Variants in ALPK1 observed in about 807,000 individuals in gnomAD.
ALPK1 encodes alpha kinase 1.
Under a neutral mutation model 120.6 loss-of-function variants are expected in ALPK1, and 110 were observed. The ratio of observed to expected loss-of-function variants is 0.91; its 90% CI spans 0.78 to 1.07. The LOEUF is 1.07. Among genes scored for constraint, ALPK1 ranks in the 50% least tolerant of loss-of-function variants. The pLI is 0.00. For synonymous variants in ALPK1, 582 were observed against 560.3 expected (o/e 1.04, Z -0.55); for missense variants, 1,498 against 1,483.9 (o/e 1.01, Z -0.16).
rs1578568790 is a variant in ALPK1, at chr4:112,430,517, C to T, written c.970C>T (p.His324Tyr). ...CTGTCCTCCAGAATTGAAAAACTTA[C>T]ATCTGTGTGAAGCCAAAGAGGCCTT... Reference protein sequence around the residue: ...NDCPPELKNLHLCEAKEAFEI... With the variant: ...NDCPPELKNLYLCEAKEAFEI... The change falls in exon 11 of 16, where the codon CAT becomes TAT. Residue 324 changes from histidine (H) to tyrosine (Y), a missense_variant. Coordinates refer to ENST00000650871, the MANE Select transcript of ALPK1 (RefSeq NM_025144.4). 2 of 1,614,070 alleles carry T rather than the reference C, an allele frequency of 1.2e-6. No individual in the cohort carries two copies. The highest frequency in any genetic ancestry group is 1.7e-6 in the Non-Finnish European group (2 of 1,180,014).
chr4:112,302,736 GCAAA>G (rs74913108), intron 1 of ALPK1, among the ~76,000 whole-genome samples: 2 of 150,882 alleles, frequency 1.3e-5, no homozygotes, highest in South Asian at 2.1e-4. Context: ...AAAAAAGCAA[GCAAA>G]CAAACAAACA....
At chr4:112,298,257 C>G (rs1039291767) in intron 1 of ALPK1, among the ~76,000 whole-genome samples, 3 of 151,542 alleles carry the variant, frequency 2.0e-5, no homozygotes, top group African/African-American at 7.3e-5. Context: ...ATATATTTCT[C>G]TCTCTCTCTG....
chr4:112,387,607 A>G (rs1157932993), intron 4 of ALPK1, among the ~76,000 whole-genome samples: 3 of 152,190 alleles, frequency 2.0e-5, no homozygotes, highest in African/African-American at 7.2e-5. Flanking sequence ...AAAATGGGTA[A>G]TCTGATAGCC....
At chr4:112,421,870 A>G (rs1370425845) in intron 5 of ALPK1, among the ~76,000 whole-genome samples, 1 of 152,224 alleles carries the variant, frequency 6.6e-6, no homozygotes, top group Non-Finnish European at 1.5e-5. Flanking sequence ...ACTTTGGCAT[A>G]TGAATTTTTT....
At chr4:112,310,237 T>A (rs1728332319) in intron 1 of ALPK1, among the ~76,000 whole-genome samples, 1 of 152,082 alleles carries the variant, frequency 6.6e-6, no homozygotes, top group Admixed American at 6.5e-5. Flanking sequence ...ATTCATAAAT[T>A]CATCAACATA....
chr4:112,424,863 G>A (rs538571632), intron 6 of ALPK1, among the ~76,000 whole-genome samples: 3 of 152,298 alleles, frequency 2.0e-5, no homozygotes, highest in South Asian at 4.2e-4. Context: ...GGGTAGTAAA[G>A]AGTCTGCCTC....
At chr4:112,324,123 C>G (rs759785098) in intron 2 of ALPK1, among the ~76,000 whole-genome samples, 2 of 152,052 alleles carry the variant, frequency 1.3e-5, no homozygotes, top group Non-Finnish European at 2.9e-5. Flanking sequence ...GTCAGGAGAT[C>G]GAGACCATCC....
intron 10 of ALPK1, 51 bp from the exon 11 acceptor site, chr4:112,430,397 A>G (rs1734483304): frequency 6.8e-7 from 1 of 1,469,870 alleles, no homozygotes; most frequent in Non-Finnish European, 9.2e-7. Flanking sequence ...GTCCTGATTC[A>G]CTTGCAGTTT....
At chr4:112,369,828 A>G (rs934821167) in intron 2 of ALPK1, among the ~76,000 whole-genome samples, 1 of 152,222 alleles carries the variant, frequency 6.6e-6, no homozygotes. Context: ...GCAGAGTACA[A>G]TTGTGTATTA....
At chr4:112,440,486 A>G (rs894047058) in intron 14 of ALPK1, among the ~76,000 whole-genome samples, 1 of 151,730 alleles carries the variant, frequency 6.6e-6, no homozygotes, top group Non-Finnish European at 1.5e-5. Context: ...AGTGCCTAAA[A>G]TAGTGTTTTG....
intron 2 of ALPK1, among the ~76,000 whole-genome samples, chr4:112,323,360 G>A (rs1728945516): frequency 6.6e-6 from 1 of 152,100 alleles, no homozygotes; most frequent in Non-Finnish European, 1.5e-5. Flanking sequence ...AGCAGATTCA[G>A]TCTTTTATTT....
Position 112,432,130 on chromosome 4 carries a change from G to A in ALPK1, c.2583G>A (p.Met861Ile), listed in dbSNP as rs756115435. Reference sequence around the variant, plus strand: ...AGGAGGGGCAACTGCTCGACAGCATGGATGTTCCCTGCACAAATGGGCACG... The same window carrying A: ...AGGAGGGGCAACTGCTCGACAGCATAGATGTTCCCTGCACAAATGGGCACG... The part of the protein sequence containing the change: ...VDEEGQLLDS[M>I]DVPCTNGHGS... The change falls in exon 11 of 16, where the codon ATG becomes ATA. Residue 861 changes from methionine (M) to isoleucine (I), a missense_variant. By Grantham distance (10) the Met-to-Ile change is conservative. Transcript: ENST00000650871. The A allele has an allele frequency of 8.7e-6, 14 of 1,614,016 alleles. No individual in the cohort carries two copies. The highest frequency in any genetic ancestry group is 2.2e-5 in the East Asian group (1 of 44,894).
intron 4 of ALPK1, among the ~76,000 whole-genome samples, chr4:112,400,294 T>C (rs112128201): frequency 0.021 from 3,248 of 152,288 alleles, 44 homozygotes; most frequent in Admixed American, 0.033. Context: ...AAGATATTGG[T>C]ATCACACTTA....
chr4:112,388,482 T>C (rs1018726902), intron 4 of ALPK1, among the ~76,000 whole-genome samples: 6 of 152,248 alleles, frequency 3.9e-5, no homozygotes, highest in Non-Finnish European at 8.8e-5. Flanking sequence ...TTTTAAAACA[T>C]TTATTCCAGG....
intron 2 of ALPK1, among the ~76,000 whole-genome samples, chr4:112,320,997 C>T (rs1407671408): frequency 6.7e-6 from 1 of 149,800 alleles, no homozygotes; most frequent in Non-Finnish European, 1.5e-5. Flanking sequence ...CCCAGGTTCA[C>T]GCCATTCTTC....
chr4:112,347,105 T>C (rs1044149122), intron 2 of ALPK1, among the ~76,000 whole-genome samples: 1 of 152,246 alleles, frequency 6.6e-6, no homozygotes, highest in Non-Finnish European at 1.5e-5. Flanking sequence ...GCTGTTTCAG[T>C]GTTTTAAAAT....
intron 1 of ALPK1, among the ~76,000 whole-genome samples, chr4:112,308,825 T>A (rs935149138): frequency 1.6e-4 from 24 of 152,270 alleles, no homozygotes; most frequent in African/African-American, 5.8e-4. Context: ...AGGGGCGCTC[T>A]GATTTTTAGA....
At chr4:112,426,625 C>A in intron 8 of ALPK1, 82 bp downstream of exon 8, 1 of 1,156,110 alleles carries the variant, frequency 8.6e-7, no homozygotes, top group South Asian at 2.0e-5. Flanking sequence ...GTCCATTTCT[C>A]ATATATCAAT....
chr4:112,315,434 C>A (rs17589528), intron 1 of ALPK1, among the ~76,000 whole-genome samples: 1,833 of 152,274 alleles, frequency 0.012, 30 homozygotes, highest in African/African-American at 0.041. Flanking sequence ...CTGATAGTTT[C>A]ATACTCTGAT....
Sources: gnomAD v4.1 joint callset for allele counts (sites outside exome capture counted in the v4.1 genomes callset) on GRCh38, gnomAD v4.1.1 for gene constraint, MANE v1.5 for transcripts, NCBI Gene and HGNC (gene_info 2026-07-23, HGNC 2026-07-21) for gene names.